The following RTCB variants were observed in gnomAD, a reference collection of about 807,000 sequenced individuals.
The protein encoded by RTCB is RNA-splicing ligase RTCB.
A neutral mutation model predicts 58.2 loss-of-function variants in RTCB; 32 were observed. That is an observed-to-expected ratio of 0.55 (90% CI 0.41 to 0.74). The LOEUF is 0.74. Ranked by LOEUF, RTCB falls within the 30% of genes least tolerant of loss-of-function variation. The pLI, the probability that RTCB is intolerant of heterozygous loss-of-function variation, is 0.00. For missense variants in RTCB, 523 were observed against 639.0 expected (o/e 0.82, Z 1.96); for synonymous variants, 247 against 218.6 (o/e 1.13, Z -1.15).
chr22:32,407,928 T>C (rs1569443221), intron 3 of RTCB: 1 of 459,408 alleles, frequency 2.2e-6, no homozygotes, highest in South Asian at 3.1e-5. Flanking sequence ...ACCTGACTAA[T>C]TTTTTTGGTA....
chr22:32,404,933 C>T (rs1054688091), intron 4 of RTCB, among the ~76,000 whole-genome samples: 12 of 151,558 alleles, frequency 7.9e-5, no homozygotes, highest in African/African-American at 2.2e-4. Flanking sequence ...GCCATCCGCC[C>T]GCCTTGGCCT....
At chr22:32,409,910 T>C (rs916807866) in intron 1 of RTCB, among the ~76,000 whole-genome samples, 1 of 151,486 alleles carries the variant, frequency 6.6e-6, no homozygotes, top group African/African-American at 2.4e-5. Context: ...CTCTGCCTCC[T>C]GGGTTCACGC....
At chr22:32,401,646 G>T in intron 5 of RTCB, 101 bp downstream of exon 5, 1 of 1,310,340 alleles carries the variant, frequency 7.6e-7, no homozygotes, top group Non-Finnish European at 1.0e-6. Context: ...AAAAGTAACT[G>T]AACAATCCTC....
chr22:32,406,793 G>A (rs1933433083), intron 3 of RTCB, 32 bp from the exon 4 acceptor site: 12 of 1,462,266 alleles, frequency 8.2e-6, no homozygotes, highest in Non-Finnish European at 1.1e-5. Flanking sequence ...AAATACAAGT[G>A]TCTTGACCTG....
At chr22:32,389,406 C>G (rs1316910678) in intron 11 of RTCB, among the ~76,000 whole-genome samples, 1 of 152,158 alleles carries the variant, frequency 6.6e-6, no homozygotes, top group African/African-American at 2.4e-5. Flanking sequence ...TTTTTTTACT[C>G]TGTCACCCAA....
intron 1 of RTCB, among the ~76,000 whole-genome samples, chr22:32,410,063 A>G (rs900408788): frequency 1.4e-4 from 21 of 152,096 alleles, no homozygotes; most frequent in African/African-American, 5.1e-4. Flanking sequence ...TGATCCGCCC[A>G]TCTCAGCCTC....
At chr22:32,403,498 C>T (rs1042072102) in intron 4 of RTCB, among the ~76,000 whole-genome samples, 1 of 152,162 alleles carries the variant, frequency 6.6e-6, no homozygotes, top group African/African-American at 2.4e-5. Flanking sequence ...GCTAATTAAC[C>T]TATTTATGAT....
chr22:32,408,810 A>G lies in RTCB; in HGVS notation c.117T>C (p.Asn39=). The part of the protein sequence containing the change: ...NMQVEGVFYV[N]DALEKLMFEE... The stretch of plus-strand genomic sequence containing the variant: ...CAAACATCAATTTCTCCAGAGCATC[A>G]TTCACATAGAAAACACCTTCAACCT... Residue 39 remains asparagine (N), a synonymous_variant, in exon 2 of 12, where the codon AAT becomes AAC. Coordinates refer to ENST00000216038, the MANE Select transcript of RTCB (RefSeq NM_014306.5). 1 of 1,613,990 alleles carries G rather than the reference A, an allele frequency of 6.2e-7. No homozygotes were observed. Among genetic ancestry groups the G allele is most frequent in the South Asian group, 1.1e-5 (1 of 91,078 alleles).
Position 32,399,747 on chromosome 22 carries a change from C to T in RTCB, c.510G>A (p.Glu170=), listed in dbSNP as rs1179068565. 1.9e-6 allele frequency: 3 copies of T among 1,613,418 alleles called. No individual in the cohort carries two copies. Among genetic ancestry groups the T allele is most frequent in the Non-Finnish European group, 2.5e-6 (3 of 1,179,742 alleles). The change falls in exon 6 of 12, where the codon GAG becomes GAA. Residue 170 remains glutamate (E), a synonymous_variant. Transcript: ENST00000216038. ...VIPMNAKDLE[E]ALEMGVDWSL... is the part of the protein sequence containing the mutation. ...ACCAGTCCACCCCCATCTCCAAGGCCTCCTCCAAGTCTCTGGATAAGTATA... is the reference window on the plus strand; with the variant it reads ...ACCAGTCCACCCCCATCTCCAAGGCTTCCTCCAAGTCTCTGGATAAGTATA...
intron 11 of RTCB, among the ~76,000 whole-genome samples, chr22:32,389,809 A>C (rs968103554): frequency 2.0e-5 from 3 of 152,158 alleles, no homozygotes; most frequent in African/African-American, 7.2e-5. Flanking sequence ...AGATCACGTC[A>C]CTATTCTGCT....
chr22:32,407,824 G>A (rs7284104), intron 3 of RTCB: 17,915 of 193,178 alleles, frequency 0.093, 955 homozygotes, highest in Middle Eastern at 0.15. Context: ...GTGCAGTGGC[G>A]TGATCATGGC....
Position 32,401,005 on chromosome 22 carries a change from G to C in RTCB, c.497+742C>G, listed in dbSNP as rs142947168. Among the ~76,000 whole-genome samples, 8 of 152,028 alleles carry C rather than the reference G, an allele frequency of 5.3e-5. No individual in the cohort carries two copies. The East Asian group carries it at 1.5e-3, about 29-fold the overall frequency. ...AAAGAGGAAGGTTGGGGTTAAATAG[G>C]CTTAATGACAAAAGGCAGTAGGATT... On this transcript the variant is annotated intron_variant, in intron 5 of 11. Coordinates refer to ENST00000216038, the MANE Select transcript of RTCB (RefSeq NM_014306.5).
chr22:32,392,805 C>T (rs1933178098), intron 10 of RTCB, among the ~76,000 whole-genome samples: 1 of 152,188 alleles, frequency 6.6e-6, no homozygotes, highest in South Asian at 2.1e-4. Context: ...GAAGGTCTGT[C>T]CTAGGAGAAG....
At chr22:32,405,449 A>G (rs1029003637) in intron 4 of RTCB, among the ~76,000 whole-genome samples, 2 of 152,152 alleles carry the variant, frequency 1.3e-5, no homozygotes, top group Admixed American at 6.5e-5. Context: ...TATACTCTGC[A>G]CTGCTTGGCT....
rs1933275861 is a variant in RTCB at position 32,398,073 on chromosome 22, A to G, written c.682T>C (p.Tyr228His). The change falls in exon 7 of 12, where the codon TAT (tyrosine) becomes CAT (histidine). Residue 228 changes from tyrosine (Y) to histidine (H), a missense_variant. Physicochemically the swap from Tyr to His is moderately conservative, Grantham distance 83 (BLOSUM62 2). Coordinates refer to ENST00000216038, the MANE Select transcript of RTCB (RefSeq NM_014306.5). ...TCATCCACAACCTGGATTTCTGCAT[A>G]ATGGTTGCCTGCTCCCAGGGTCCCC... ...QLGTLGAGNH[Y>H]AEIQVVDEIF... 6.2e-7 allele frequency: 1 copy of G among 1,613,938 alleles called. No individual in the cohort carries two copies. The highest frequency in any genetic ancestry group is 1.1e-5 in the South Asian group (1 of 91,032).
chr22:32,398,167 C>A (rs1601426980), intron 6 of RTCB, 67 bp from the exon 7 acceptor site: 5 of 1,529,374 alleles, frequency 3.3e-6, no homozygotes, highest in East Asian at 2.3e-5. Context: ...TATTTAAAAA[C>A]CAAAAAGATA....
intron 1 of RTCB, among the ~76,000 whole-genome samples, chr22:32,411,543 T>C (rs1215920749): frequency 5.3e-5 from 8 of 152,252 alleles, no homozygotes; most frequent in Admixed American, 4.6e-4. Context: ...AAACAGGCCC[T>C]GCCCTGCGCT....
At position 32,397,950 on chromosome 22, in the gene RTCB, C is replaced by T; in HGVS notation, c.805G>A (p.Val269Ile). The T allele has an allele frequency of 6.2e-7, 1 of 1,611,366 alleles. No individual in the cohort carries two copies. The highest frequency in any genetic ancestry group is 8.5e-7 in the Non-Finnish European group (1 of 1,179,378). The change falls in exon 7 of 12, where the codon GTA (valine) becomes ATA (isoleucine). Residue 269 changes from valine (V) to isoleucine (I), a missense_variant. Val to Ile is a conservative substitution (Grantham distance 29). Around this residue, in one of 3 missense-constraint regions of RTCB, gnomAD observed 141 missense variants for 216.7 expected, o/e 0.65. Coordinates refer to ENST00000216038, the MANE Select transcript of RTCB (RefSeq NM_014306.5). Reference protein sequence around the residue: ...HSGSRGLGHQVATDALVAMEK... With the variant: ...HSGSRGLGHQIATDALVAMEK... ...AAAGTCTAGAATATACCTGTGGCTA[C>T]TTGGTGGCCCAAGCCTCTGCTTCCA...
Position 32,388,040 on chromosome 22 carries a change from G to C in RTCB, c.1470C>G (p.Ile490Met), listed in dbSNP as rs374100495. Residue 490 changes from isoleucine to methionine, a missense_variant, in exon 12 of 12, where the codon ATC becomes ATG. By Grantham distance (10) the Ile-to-Met change is conservative. Around this residue, in one of 3 missense-constraint regions of RTCB, gnomAD observed 248 missense variants for 292.5 expected, o/e 0.85. Coordinates refer to ENST00000216038, the MANE Select transcript of RTCB (RefSeq NM_014306.5). ...GTCTCAGTTTAATGGCTTTCTTGCT[G>C]ATTCCAGCATCATGGCAGGTATTTA... ...DVVNTCHDAG[I>M]SKKAIKLRPI... The C allele has an allele frequency of 5.6e-6, 9 of 1,614,084 alleles. No individual in the cohort carries two copies. The highest frequency in any genetic ancestry group is 7.6e-6 in the Non-Finnish European group (9 of 1,179,952).
Sources: gnomAD v4.1 joint callset for allele counts (sites outside exome capture counted in the v4.1 genomes callset) on GRCh38, gnomAD v4.1.1 for gene constraint, gnomAD v4.1.1 regional missense constraint, MANE v1.5 for transcripts, NCBI Gene and HGNC (gene_info 2026-07-23, HGNC 2026-07-21) for gene names.